DPCD: variants seen among roughly 807,000 people sequenced by gnomAD.
The protein encoded by DPCD is deleted in primary ciliary dyskinesia homolog (mouse), also known as protein DPCD.
A neutral mutation model predicts 26.4 loss-of-function variants in DPCD; 20 were observed. That is an observed-to-expected ratio of 0.76 (90% CI 0.53 to 1.10). DPCD has a LOEUF of 1.10. DPCD is among the 50% of genes least tolerant of loss of function. DPCD has a pLI of 0.00. For missense variants in DPCD, 202 were observed against 253.9 expected (o/e 0.80, Z 1.39); for synonymous variants, 97 against 94.2 (o/e 1.03, Z -0.17).
At chr10:101,597,687 G>A (rs771725359) in intron 2 of DPCD, among the ~76,000 whole-genome samples, 13 of 152,192 alleles carry the variant, frequency 8.5e-5, no homozygotes, top group Admixed American at 4.6e-4. Flanking sequence ...ATATGACAGC[G>A]TCCCGGGAAG....
chr10:101,605,273 A>G, intron 4 of DPCD: 1 of 1,542,448 alleles, frequency 6.5e-7, no homozygotes, highest in Non-Finnish European at 8.7e-7. Flanking sequence ...TTCAGCCTCC[A>G]GAGTCTCTCT....
At chr10:101,588,610 CA>C in intron 1 of DPCD, 1 of 1,391,944 alleles carries the variant, frequency 7.2e-7, no homozygotes, top group South Asian at 1.7e-5. Context: ...TCCTCTACAC[CA>C]TCTCGCTCCG....
chr10:101,589,320 T>C (rs2063556107), intron 1 of DPCD, among the ~76,000 whole-genome samples: 2 of 152,236 alleles, frequency 1.3e-5, no homozygotes, highest in Non-Finnish European at 2.9e-5. Flanking sequence ...GGGAAAAACA[T>C]GTACTTAAAT....
chr10:101,601,227 A>G lies in DPCD; in HGVS notation c.295A>G (p.Lys99Glu). Residue 99 changes from lysine (K) to glutamate (E), a missense_variant, in exon 4 of 6, where the codon AAG becomes GAG. Around this residue, in one of 3 missense-constraint regions of DPCD, gnomAD observed 118 missense variants for 145.1 expected, o/e 0.81. Transcript: ENST00000370151. ...ANPIFMRKDT[K>E]MSFQWRIRNL... ...GCCTATCTTCATGCGCAAGGACACC[A>G]AGATGAGTTTCCAGTGGCGGATTCG... is the stretch of plus-strand genomic sequence containing the variant. 6.2e-7 allele frequency: 1 copy of G among 1,613,688 alleles called. No individual in the cohort carries two copies. The highest frequency in any genetic ancestry group is 8.5e-7 in the Non-Finnish European group (1 of 1,179,910).
intron 2 of DPCD, chr10:101,596,780 A>G (rs1272235989): frequency 6.6e-6 from 1 of 151,890 alleles, no homozygotes. Flanking sequence ...TTGCTTGTGC[A>G]TTCTATGAAG....
At chr10:101,588,564 A>C in intron 1 of DPCD, 164 bp downstream of exon 1, 4 of 1,445,040 alleles carry the variant, frequency 2.8e-6, no homozygotes, top group Non-Finnish European at 3.6e-6. Context: ...CAGAGATGAC[A>C]TGACTGGAAC....
At chr10:101,606,491 A>AT (rs2063734004) in intron 4 of DPCD, among the ~76,000 whole-genome samples, 1 of 149,088 alleles carries the variant, frequency 6.7e-6, no homozygotes, top group Non-Finnish European at 1.5e-5. Context: ...TTTTCTTTTA[A>AT]TTTTTTGTAG....
chr10:101,597,691 C>T (rs1027599353), intron 2 of DPCD, among the ~76,000 whole-genome samples: 2 of 152,184 alleles, frequency 1.3e-5, no homozygotes, highest in African/African-American at 4.8e-5. Flanking sequence ...GACAGCGTCC[C>T]GGGAAGCTGC....
At chr10:101,589,272 A>G (rs1241454117) in intron 1 of DPCD, among the ~76,000 whole-genome samples, 1 of 152,264 alleles carries the variant, frequency 6.6e-6, no homozygotes, top group Non-Finnish European at 1.5e-5. Flanking sequence ...ACTAGAACAG[A>G]AAGAAAAAGA....
Position 101,609,438 on chromosome 10 carries a change from C to A in DPCD, c.579C>A (p.Ala193=), listed in dbSNP as rs1276078603. The change falls in exon 6 of 6, where the codon GCC becomes GCA. Residue 193 remains alanine, a synonymous_variant. Transcript: ENST00000370151. ...AGGAACTAAAGAAGGTGAAGACAGC[C>A]CACAGCAACGATGGGGACTGCAAGA... ...LQKELKKVKT[A]HSNDGDCKTQ The A allele has an allele frequency of 5.0e-6, 8 of 1,614,018 alleles. No homozygotes were observed. In the East Asian group the frequency reaches 1.6e-4, roughly 31 times the overall value.
At position 101,594,668 on chromosome 10, in the gene DPCD, G is replaced by A. The variant is rs761283892; in HGVS notation, c.75G>A (p.Lys25=). Reference sequence around the variant, plus strand: ...CTGTTTTGTGCATAGGGAGAAGGAAGGTTCACTATTTATTCCCAGACGGCA... The same window carrying A: ...CTGTTTTGTGCATAGGGAGAAGGAAAGTTCACTATTTATTCCCAGACGGCA... ...KTALLQDGRR[K]VHYLFPDGKE... is the part of the protein sequence containing the mutation. Residue 25 remains lysine (K), a synonymous_variant, in exon 2 of 6, where the codon AAG becomes AAA. Coordinates refer to ENST00000370151, the MANE Select transcript of DPCD (RefSeq NM_015448.3). 3.1e-6 allele frequency: 5 copies of A among 1,614,118 alleles called. No individual in the cohort carries two copies. The highest frequency in any genetic ancestry group is 4.2e-6 in the Non-Finnish European group (5 of 1,179,974).
chr10:101,595,268 C>G (rs893773637), intron 2 of DPCD, among the ~76,000 whole-genome samples: 1 of 152,218 alleles, frequency 6.6e-6, no homozygotes, highest in Non-Finnish European at 1.5e-5. Flanking sequence ...TGGTCACTTT[C>G]ATTCCTGCAG....
At chr10:101,605,024 G>A in intron 4 of DPCD, 1 of 1,434,586 alleles carries the variant, frequency 7.0e-7, no homozygotes, top group Non-Finnish European at 9.4e-7. Flanking sequence ...GGGGCCGAGA[G>A]CCTTTAGTAT....
rs750482485 is a variant in DPCD, at chr10:101,601,400, C to G, written c.404+64C>G. On this transcript the variant is annotated intron_variant, in intron 4 of 5. Transcript: ENST00000370151. ...AGCGGGGTGTAGGGTGGGGTTTGAT[C>G]TGGCGTTAGGATCATTATTCAGGCC... 6 of 1,554,620 alleles carry G rather than the reference C, an allele frequency of 3.9e-6. No individual in the cohort carries two copies. In the East Asian group the frequency reaches 7.3e-5, roughly 19 times the overall value.
At chr10:101,609,304 G>A (rs2063756961) in intron 5 of DPCD, 63 bp from the exon 6 acceptor site, 3 of 1,545,220 alleles carry the variant, frequency 1.9e-6, no homozygotes, top group African/African-American at 2.7e-5. Flanking sequence ...GGGGCCCCAA[G>A]TGTGTGTGGA....
intron 3 of DPCD, 151 bp from the exon 4 acceptor site, chr10:101,601,052 T>C: frequency 6.9e-7 from 1 of 1,445,668 alleles, no homozygotes; most frequent in South Asian, 1.3e-5. Flanking sequence ...GGGCGGGGGC[T>C]CAGGGCCTGG....
intron 2 of DPCD, among the ~76,000 whole-genome samples, chr10:101,599,116 A>G (rs2134767118): frequency 6.6e-6 from 1 of 152,334 alleles, no homozygotes; most frequent in Admixed American, 6.5e-5. Context: ...TGAGAAAAAA[A>G]GTAATTTCCT....
At chr10:101,604,104 C>G (rs564801600) in intron 4 of DPCD, among the ~76,000 whole-genome samples, 1 of 152,272 alleles carries the variant, frequency 6.6e-6, no homozygotes, top group South Asian at 2.1e-4. Context: ...TGGCCAGAAG[C>G]CAAAAACTCA....
chr10:101,588,718 A>G (rs2063531916), intron 1 of DPCD: 5 of 963,862 alleles, frequency 5.2e-6, no homozygotes, highest in Non-Finnish European at 6.2e-6. Flanking sequence ...ACCCCGTTTT[A>G]CAGAAGAGGA....
Sources: gnomAD v4.1 joint callset for allele counts (sites outside exome capture counted in the v4.1 genomes callset) on GRCh38, gnomAD v4.1.1 for gene constraint, gnomAD v4.1.1 regional missense constraint, MANE v1.5 for transcripts, NCBI Gene and HGNC (gene_info 2026-07-23, HGNC 2026-07-21) for gene names.